Variants in RAD17 observed in about 807,000 individuals in gnomAD.
RAD17 encodes the protein RAD17 checkpoint clamp loader component.
A neutral mutation model predicts 81.5 loss-of-function variants in RAD17; 31 were observed. The ratio of observed to expected loss-of-function variants is 0.38; its 90% CI spans 0.29 to 0.51. RAD17 has a LOEUF of 0.51. Among genes scored for constraint, RAD17 ranks in the 20% least tolerant of loss-of-function variants. The pLI, the probability that RAD17 is intolerant of heterozygous loss-of-function variation, is 0.88. For synonymous variants in RAD17, 261 were observed against 266.2 expected, an observed-to-expected ratio of 0.98 and a Z score of 0.19; for missense variants, 681 against 781.2, an observed-to-expected ratio of 0.87 and a Z score of 1.53.
chr5:69,398,147 A>C (rs1175148341), intron 16 of RAD17, among the ~76,000 whole-genome samples: 1 of 152,126 alleles, frequency 6.6e-6, no homozygotes, highest in African/African-American at 2.4e-5. Context: ...CTAAAACGGT[A>C]GATTTTAAGT....
chr5:69,378,196 T>C (rs1763633993), intron 6 of RAD17, among the ~76,000 whole-genome samples: 1 of 152,220 alleles, frequency 6.6e-6, no homozygotes, highest in Non-Finnish European at 1.5e-5. Flanking sequence ...GATTTATCAA[T>C]GGGCAAACGA....
Position 69,409,603 on chromosome 5 carries a change from A to T in RAD17, c.1694-890A>T, listed in dbSNP as rs116638748. On this transcript the variant is annotated intron_variant, in intron 17 of 18. Coordinates refer to ENST00000354868, the MANE Select transcript of RAD17 (RefSeq NM_133338.3). ...TTCACCGATTTTGCTTATCTTTGGG[A>T]GTGGGTACACAAGAGCTTATGCTGT... Among the ~76,000 whole-genome samples the T allele has an allele frequency of 2.2e-3, 340 of 152,288 alleles. 3 individuals are homozygous for T. Among genetic ancestry groups the T allele is most frequent in the Middle Eastern group, 0.017 (5 of 294 alleles).
intron 4 of RAD17, among the ~76,000 whole-genome samples, chr5:69,372,800 G>GTA (rs1249052937): frequency 2.6e-5 from 4 of 151,818 alleles, no homozygotes; most frequent in Non-Finnish European, 4.4e-5. Context: ...TTGTAGAGTT[G>GTA]GGGTCTCCCT....
rs576703739 is a variant in RAD17, at chr5:69,378,150, G to A, written c.351+3439G>A. Among the ~76,000 whole-genome samples the A allele has an allele frequency of 2.6e-5, 4 of 152,220 alleles. No individual in the cohort carries two copies. The East Asian group carries it at 7.7e-4, about 29-fold the overall frequency. ...GAAGTTTCAGGGATGTCAGTAATTAGAAAATGTTTTTATTCAAAAAAATTG... is the reference window on the plus strand; with the variant it reads ...GAAGTTTCAGGGATGTCAGTAATTAAAAAATGTTTTTATTCAAAAAAATTG... On this transcript the variant is annotated intron_variant, in intron 6 of 18. Transcript: ENST00000354868.
At chr5:69,369,391 G>T, upstream of RAD17, 1 of 1,554,140 alleles carries the variant, frequency 6.4e-7, no homozygotes. Flanking sequence ...CCCCACCTGG[G>T]CGCCCGATGC....
chr5:69,406,846 A>C (rs1434006969), intron 17 of RAD17, among the ~76,000 whole-genome samples: 1 of 151,842 alleles, frequency 6.6e-6, no homozygotes, highest in African/African-American at 2.4e-5. Flanking sequence ...AGTGAATGTA[A>C]AGTGTCTTTG....
chr5:69,385,266 CTTT>C (rs35876455), intron 8 of RAD17, among the ~76,000 whole-genome samples: 4 of 102,274 alleles, frequency 3.9e-5, no homozygotes, highest in African/African-American at 3.7e-5. Context: ...GGCCTAAAAT[CTTT>C]TTTTTTTTTT....
chr5:69,384,725 T>C, intron 7 of RAD17, 72 bp from the exon 8 acceptor site: 2 of 1,350,698 alleles, frequency 1.5e-6, no homozygotes, highest in Non-Finnish European at 2.1e-6. Flanking sequence ...TATGTGTGTG[T>C]GTACATACAG....
At chr5:69,402,519 G>T (rs926415778) in intron 17 of RAD17, among the ~76,000 whole-genome samples, 9 of 152,112 alleles carry the variant, frequency 5.9e-5, no homozygotes, top group Non-Finnish European at 1.2e-4. Context: ...GCCGGGCACG[G>T]TGGCAGGTGC....
intron 15 of RAD17, among the ~76,000 whole-genome samples, chr5:69,396,081 A>G (rs1431053857): frequency 6.6e-6 from 1 of 152,214 alleles, no homozygotes; most frequent in Non-Finnish European, 1.5e-5. Flanking sequence ...TTAACTTTCC[A>G]GAGAAACTTC....
At chr5:69,403,983 G>A (rs112325979) in intron 17 of RAD17, among the ~76,000 whole-genome samples, 48 of 150,512 alleles carry the variant, frequency 3.2e-4, no homozygotes, top group African/African-American at 1.1e-3. Flanking sequence ...TTATATGGTA[G>A]ATTACTAACA....
chr5:69,399,967 A>G, intron 16 of RAD17, 82 bp from the exon 17 acceptor site: 1 of 910,780 alleles, frequency 1.1e-6, no homozygotes, highest in Admixed American at 3.3e-5. Context: ...GTGTAAGTTT[A>G]TATAATAAAC....
chr5:69,384,970 T>TC, intron 8 of RAD17, 37 bp downstream of exon 8: 1 of 1,456,164 alleles, frequency 6.9e-7, no homozygotes, highest in Non-Finnish European at 9.3e-7. Flanking sequence ...TTTTTTTTTT[T>TC]TGAAATGGAG....
rs1764670246 is a variant in RAD17 at position 69,393,478 on chromosome 5, A to G, written c.1400A>G (p.Asp467Gly). The G allele has an allele frequency of 6.2e-7, 1 of 1,610,072 alleles. No homozygotes were observed. The highest frequency in any genetic ancestry group is 8.5e-7 in the Non-Finnish European group (1 of 1,178,676). Residue 467 changes from aspartate to glycine, a missense_variant, in exon 15 of 19, where the codon GAT (aspartate) becomes GGT (glycine). Transcript: ENST00000354868. ...GCCAGTGAATTTCTGAGTTTTGCAG[A>G]TATCCTCAGTGGTGACTGGAATGTA... is the stretch of plus-strand genomic sequence containing the variant. ...VRASEFLSFA[D>G]ILSGDWNTRS... is the part of the protein sequence containing the mutation.
At chr5:69,407,562 GTTTTTTTTTTTTTT>G (rs550222595) in intron 17 of RAD17, among the ~76,000 whole-genome samples, 58 of 40,934 alleles carry the variant, frequency 1.4e-3, no homozygotes, top group East Asian at 5.1e-3. Flanking sequence ...CTATGTCCAA[GTTTTTTTTTTTTTT>G]TTTTTTTTTT....
At position 69,392,029 on chromosome 5, in the gene RAD17, A is replaced by G. The variant is rs765162749; in HGVS notation, c.1189+16A>G. On this transcript the variant is annotated intron_variant, in intron 13 of 18. Transcript: ENST00000354868. Reference sequence around the variant, plus strand: ...TATTGTAAAAGTAAGAAATTTTTACACTTTTAAAATCTGTTGGATATCACA... The same window carrying G: ...TATTGTAAAAGTAAGAAATTTTTACGCTTTTAAAATCTGTTGGATATCACA... 1.5e-5 allele frequency: 22 copies of G among 1,489,146 alleles called. No homozygotes were observed. The highest frequency in any genetic ancestry group is 4.0e-5 in the South Asian group (3 of 74,560). The allele number at this position is 1,489,146 out of a possible 1,614,324, so 92.2% of individuals were successfully genotyped here.
At chr5:69,369,715 G>C (rs758535619), upstream of RAD17, 1 of 1,550,846 alleles carries the variant, frequency 6.4e-7, no homozygotes, top group African/African-American at 1.4e-5. Flanking sequence ...ACTCGGGTCG[G>C]TACTTCGGGT....
intron 15 of RAD17, among the ~76,000 whole-genome samples, chr5:69,394,407 G>A (rs1465464471): frequency 6.6e-6 from 1 of 151,926 alleles, no homozygotes; most frequent in African/African-American, 2.4e-5. Flanking sequence ...CTCAAAATAT[G>A]ACAACCATTA....
chr5:69,393,710 C>G lies in RAD17; in HGVS notation c.1422+210C>G, dbSNP rs150529452. On this transcript the variant is annotated intron_variant, in intron 15 of 18. Transcript: ENST00000354868. ...GCTGATAATATAGCACCAATTGTTT[C>G]TAAAGTTATTTTCTTTTTTTCTTTT... Among the ~76,000 whole-genome samples, 664 of 152,038 alleles carry G rather than the reference C, an allele frequency of 4.4e-3. 7 individuals are homozygous for G. The highest frequency in any genetic ancestry group is 0.016 in the African/African-American group (647 of 41,486).
Sources: allele counts gnomAD v4.1 joint callset (sites outside exome capture counted in the v4.1 genomes callset), GRCh38; gene constraint gnomAD v4.1.1; transcripts MANE v1.5; gene names NCBI Gene and HGNC (gene_info 2026-07-23, HGNC 2026-07-21).